NCOA2: variants seen among roughly 807,000 people sequenced by gnomAD.
NCOA2 encodes the protein nuclear receptor coactivator 2.
A neutral mutation model predicts 145.1 loss-of-function variants in NCOA2; 21 were observed. The ratio of observed to expected loss-of-function variants is 0.14; its 90% CI spans 0.10 to 0.21. The LOEUF is 0.21. NCOA2 is among the 10% of genes least tolerant of loss of function. The probability of loss-of-function intolerance (pLI) is 1.00; values close to 1 mark genes in which losing one functional copy is unlikely to be tolerated. For synonymous variants in NCOA2, 619 were observed against 637.5 expected (o/e 0.97, Z 0.44); for missense variants, 1,472 against 1,837.6 (o/e 0.80, Z 3.64).
chr8:70,224,141 C>T (rs1392768326), intron 2 of NCOA2, among the ~76,000 whole-genome samples: 1 of 152,160 alleles, frequency 6.6e-6, no homozygotes, highest in Non-Finnish European at 1.5e-5. Context: ...GCTCACATTC[C>T]AGTGCAGAAA....
intron 2 of NCOA2, among the ~76,000 whole-genome samples, chr8:70,259,100 A>C (rs1006091922): frequency 2.0e-4 from 31 of 152,144 alleles, no homozygotes; most frequent in African/African-American, 7.2e-4. Flanking sequence ...ATTTTGAGTG[A>C]CCTTTCCTTC....
chr8:70,163,445 T>A lies in NCOA2; in HGVS notation c.832+20A>T, dbSNP rs371944866. 4.7e-5 allele frequency: 73 copies of A among 1,568,764 alleles called. No individual in the cohort carries two copies. Among genetic ancestry groups the A allele is most frequent in the Non-Finnish European group, 5.6e-5 (64 of 1,139,192 alleles). On this transcript the variant is annotated intron_variant, in intron 8 of 22. Transcript: ENST00000452400. Reference sequence around the variant, plus strand: ...TATTCTAAAATGATTCCTTTGGTCTTCTTTGGAGAGGAAATTTACCTTGGA... The same window carrying A: ...TATTCTAAAATGATTCCTTTGGTCTACTTTGGAGAGGAAATTTACCTTGGA...
chr8:70,404,427 G>C (rs888452678), upstream of NCOA2, among the ~76,000 whole-genome samples: 3 of 152,134 alleles, frequency 2.0e-5, no homozygotes, highest in Non-Finnish European at 4.4e-5. Context: ...CCGTCCGGCC[G>C]GACCCTTCGG....
intron 11 of NCOA2, among the ~76,000 whole-genome samples, chr8:70,154,354 T>A (rs376542820): frequency 2.6e-5 from 4 of 152,348 alleles, no homozygotes; most frequent in East Asian, 1.9e-4. Context: ...GATCATTGAT[T>A]CCCTAGGAAA....
At chr8:70,196,013 A>G (rs1433263698) in intron 4 of NCOA2, among the ~76,000 whole-genome samples, 1 of 152,224 alleles carries the variant, frequency 6.6e-6, no homozygotes, top group African/African-American at 2.4e-5. Flanking sequence ...TGCTCTGAAT[A>G]CAGAGCAGCA....
At position 70,170,486 on chromosome 8, in the gene NCOA2, T is replaced by C. The variant is rs1047626196; in HGVS notation, c.364-107A>G. On this transcript the variant is annotated intron_variant, in intron 5 of 22. Coordinates refer to ENST00000452400, the MANE Select transcript of NCOA2 (RefSeq NM_006540.4). ...CAAGGAAACACAATTCACACACAGA[T>C]AGAAAAGAGATCTTTCTCAGCCCTC... 7.0e-5 allele frequency: 63 copies of C among 905,090 alleles called. No homozygotes were observed. In the Middle Eastern group the frequency reaches 1.1e-3, roughly 17 times the overall value. 56.1% of individuals were successfully genotyped at this position (905,090 alleles called of 1,614,324 possible). A position where few individuals can be genotyped will look rare whatever the true frequency, so the allele number is the denominator to read the frequency against.
At chr8:70,439,670 G>T in the NCOA2 span, among the ~76,000 whole-genome samples, 1 of 152,174 alleles carries the variant, frequency 6.6e-6, no homozygotes. Context: ...GCATTCCCAG[G>T]GTGGAACAGA....
intron 1 of NCOA2, among the ~76,000 whole-genome samples, chr8:70,308,236 C>T (rs148637165): frequency 6.6e-6 from 1 of 152,232 alleles, no homozygotes; most frequent in African/African-American, 2.4e-5. Flanking sequence ...CTTACTGTTT[C>T]ATGGGGCTAA....
At chr8:70,351,751 ATTTTTTTTT>A (rs1266426866) in intron 1 of NCOA2, among the ~76,000 whole-genome samples, 1 of 129,908 alleles carries the variant, frequency 7.7e-6, no homozygotes, top group Non-Finnish European at 1.7e-5. Context: ...ACCCCGGCTA[ATTTTTTTTT>A]TTTTTTTTTT....
In NCOA2 at chr8:70,112,837, T is replaced by C; in HGVS notation, c.*795A>G. On this transcript the variant is annotated 3_prime_UTR_variant, in exon 23 of 23. Transcript: ENST00000452400. ...GGGAAGAAGAGATGCTGATTCAAGC[T>C]GTCTGATCAAACTAAAAGGGACTTA... 4.8e-6 allele frequency: 1 copy of C among 206,496 alleles called. No homozygotes were observed. The allele number at this position is 206,496 out of a possible 1,614,324, so 12.8% of individuals were successfully genotyped here.
chr8:70,410,083 A>T, the NCOA2 span, among the ~76,000 whole-genome samples: 1 of 151,912 alleles, frequency 6.6e-6, no homozygotes, highest in African/African-American at 2.4e-5. Flanking sequence ...GGTGGAGCAT[A>T]CCTCTAATCC....
intron 2 of NCOA2, among the ~76,000 whole-genome samples, chr8:70,260,526 A>C (rs570751331): frequency 2.0e-5 from 3 of 152,336 alleles, no homozygotes; most frequent in Non-Finnish European, 4.4e-5. Flanking sequence ...GTAGAGTCTA[A>C]TGAGGATGAA....
intron 4 of NCOA2, among the ~76,000 whole-genome samples, chr8:70,210,331 A>G (rs572165301): frequency 1.4e-4 from 21 of 152,342 alleles, no homozygotes; most frequent in African/African-American, 4.8e-4. Flanking sequence ...AGCCAACAGA[A>G]GATCTAACTT....
At chr8:70,331,684 ATT>A (rs1206657152) in intron 1 of NCOA2, among the ~76,000 whole-genome samples, 1 of 152,154 alleles carries the variant, frequency 6.6e-6, no homozygotes, top group Non-Finnish European at 1.5e-5. Context: ...AGCCAACTTC[ATT>A]TTAAGCTAAG....
chr8:70,444,505 A>G, the NCOA2 span, among the ~76,000 whole-genome samples: 1 of 152,224 alleles, frequency 6.6e-6, no homozygotes, highest in Non-Finnish European at 1.5e-5. Flanking sequence ...TCACACATAC[A>G]TATATGTAAA....
the NCOA2 span, among the ~76,000 whole-genome samples, chr8:70,451,824 T>C: frequency 6.6e-6 from 1 of 152,236 alleles, no homozygotes; most frequent in Admixed American, 6.5e-5. Flanking sequence ...TTAACAGTTC[T>C]CTCCCTTCAC....
chr8:70,149,218 A>T (rs982170186), intron 11 of NCOA2, among the ~76,000 whole-genome samples: 1 of 151,842 alleles, frequency 6.6e-6, no homozygotes, highest in Non-Finnish European at 1.5e-5. Context: ...ATTATACAGA[A>T]GCTATAAAAA....
At chr8:70,179,967 G>C in intron 4 of NCOA2, among the ~76,000 whole-genome samples, 1 of 152,012 alleles carries the variant, frequency 6.6e-6, no homozygotes, top group South Asian at 2.1e-4. Context: ...TTTTTGTAGA[G>C]ACAGGGTTTC....
At chr8:70,181,897 A>C (rs952778304) in intron 4 of NCOA2, among the ~76,000 whole-genome samples, 1 of 152,224 alleles carries the variant, frequency 6.6e-6, no homozygotes, top group Admixed American at 6.5e-5. Context: ...TCACTGAAAC[A>C]ATGATGGGCA....
Sources: gnomAD v4.1 joint callset for allele counts (sites outside exome capture counted in the v4.1 genomes callset) on GRCh38, gnomAD v4.1.1 for gene constraint, MANE v1.5 for transcripts, NCBI Gene and HGNC (gene_info 2026-07-23, HGNC 2026-07-21) for gene names.